The following RDH14 variants were observed in gnomAD, a reference collection of about 807,000 sequenced individuals.
RDH14 encodes alcohol dehydrogenase PAN2.
RDH14 carries 17 observed loss-of-function variants against 19.3 expected under a neutral mutation model. The ratio of observed to expected loss-of-function variants is 0.88; its 90% CI spans 0.60 to 1.32. The LOEUF (loss-of-function observed/expected upper bound fraction) is 1.32. Among genes scored for constraint, RDH14 ranks in the 40% most tolerant of loss-of-function variants. The pLI is 0.00. For missense variants in RDH14, 534 were observed against 449.2 expected (o/e 1.19, Z -1.71); for synonymous variants, 215 against 188.9 (o/e 1.14, Z -1.13).
chr2:18,560,349 C>A lies in RDH14; in HGVS notation c.224G>T (p.Arg75Leu). The A allele has an allele frequency of 7.0e-7, 1 of 1,426,642 alleles. No individual in the cohort carries two copies. Among genetic ancestry groups the A allele is most frequent in the Non-Finnish European group, 9.1e-7 (1 of 1,102,516 alleles). The allele number at this position is 1,426,642 out of a possible 1,614,324, so 88.4% of individuals were successfully genotyped here. A position where few individuals can be genotyped will look rare whatever the true frequency, so the allele number is the denominator to read the frequency against. The change falls in exon 1 of 2, where the codon CGG becomes CTG. Residue 75 changes from arginine to leucine, a missense_variant. Arg to Leu is a moderately radical substitution (Grantham distance 102). Transcript: ENST00000381249. ...RLGARVIMGC[R>L]DRARAEEAAG... ...CGCCTCCTCGGCGCGCGCGCGGTCCCGGCAGCCCATGATCACCCGCGCTCC... is the reference window on the plus strand; with the variant it reads ...CGCCTCCTCGGCGCGCGCGCGGTCCAGGCAGCCCATGATCACCCGCGCTCC...
chr2:18,560,494 G>A lies in RDH14; in HGVS notation c.79C>T (p.Pro27Ser). 1.3e-6 allele frequency: 2 copies of A among 1,514,512 alleles called. No homozygotes were observed. The highest frequency in any genetic ancestry group is 2.6e-5 in the East Asian group (1 of 37,998). The allele number at this position is 1,514,512 out of a possible 1,614,324, so 93.8% of individuals were successfully genotyped here. Residue 27 changes from proline (P) to serine (S), a missense_variant, in exon 1 of 2, where the codon CCC becomes TCC. Physicochemically the swap from Pro to Ser is moderately conservative, Grantham distance 74 (BLOSUM62 -1). Transcript: ENST00000381249. The part of the protein sequence containing the change: ...LWLAARRFVG[P>S]RVQRLRRGGD... Reference sequence around the variant, plus strand: ...CCTCTGCGCAGCCGCTGGACCCTGGGCCCCACGAACCGGCGGGCCGCCAGC... The same window carrying A: ...CCTCTGCGCAGCCGCTGGACCCTGGACCCCACGAACCGGCGGGCCGCCAGC...
In RDH14 at chr2:18,560,426, G is replaced by A. The variant is rs1296758019; in HGVS notation, c.147C>T (p.Thr49=). The part of the protein sequence containing the change: ...GLMHGKTVLI[T]GANSGLGRAT... ...CGCGGCCCAGGCCGCTGTTCGCCCC[G>A]GTGATCAGCACAGTCTTCCCGTGCA... The change falls in exon 1 of 2, where the codon ACC becomes ACT. Residue 49 remains threonine (T), a synonymous_variant. Coordinates refer to ENST00000381249, the MANE Select transcript of RDH14 (RefSeq NM_020905.4). The A allele has an allele frequency of 6.6e-7, 1 of 1,505,430 alleles. No homozygotes were observed. The highest frequency in any genetic ancestry group is 8.8e-7 in the Non-Finnish European group (1 of 1,136,042). The allele number at this position is 1,505,430 out of a possible 1,614,324, so 93.3% of individuals were successfully genotyped here. A position where few individuals can be genotyped will look rare whatever the true frequency, so the allele number is the denominator to read the frequency against.
In RDH14 at chr2:18,560,325, G is replaced by T; in HGVS notation, c.248C>A (p.Ala83Glu). 1 of 1,416,106 alleles carries T rather than the reference G, an allele frequency of 7.1e-7. No individual in the cohort carries two copies. The highest frequency in any genetic ancestry group is 9.1e-7 in the Non-Finnish European group (1 of 1,097,836). 87.7% of individuals were successfully genotyped at this position (1,416,106 alleles called of 1,614,324 possible). ...GAGCTCGCGGCGGAGCTGACCCGCC[G>T]CCTCCTCGGCGCGCGCGCGGTCCCG... ...GCRDRARAEE[A>E]AGQLRRELRQ... Residue 83 changes from alanine (A) to glutamate (E), a missense_variant, in exon 1 of 2, where the codon GCG becomes GAG. By Grantham distance (107) the Ala-to-Glu change is moderately radical. Transcript: ENST00000381249.
chr2:18,556,476 G>GA (rs1663923070), intron 1 of RDH14, among the ~76,000 whole-genome samples: 1 of 151,874 alleles, frequency 6.6e-6, no homozygotes, highest in Non-Finnish European at 1.5e-5. Context: ...ATAATTGAGA[G>GA]AAAAATAGAA....
chr2:18,555,741 T>G lies in RDH14; in HGVS notation c.461A>C (p.Glu154Ala). ...GIFQCPYMKT[E>A]DGFEMQFGVN... ...TCCGAACTGCATCTCAAACCCATCT[T>G]CAGTCTTCATGTAAGGGCACTGGAA... Residue 154 changes from glutamate (E) to alanine (A), a missense_variant, in exon 2 of 2, where the codon GAA becomes GCA. Glu to Ala is a moderately radical substitution (Grantham distance 107). Coordinates refer to ENST00000381249, the MANE Select transcript of RDH14 (RefSeq NM_020905.4). The G allele has an allele frequency of 6.2e-7, 1 of 1,614,062 alleles. No homozygotes were observed. Among genetic ancestry groups the G allele is most frequent in the East Asian group, 2.2e-5 (1 of 44,884 alleles).
At chr2:18,558,986 C>A (rs1389671764) in intron 1 of RDH14, among the ~76,000 whole-genome samples, 1 of 152,220 alleles carries the variant, frequency 6.6e-6, no homozygotes, top group East Asian at 1.9e-4. Flanking sequence ...GGGCACATGT[C>A]CTCAGGACCG....
At chr2:18,560,057 A>C (rs1558357264) in intron 1 of RDH14, 123 bp downstream of exon 1, 2 of 1,121,854 alleles carry the variant, frequency 1.8e-6, no homozygotes, top group Non-Finnish European at 2.4e-6. Context: ...TCTCAGCCTC[A>C]GCGGTTCCCA....
intron 1 of RDH14, among the ~76,000 whole-genome samples, chr2:18,559,157 C>G (rs1558356617): frequency 6.6e-6 from 1 of 152,188 alleles, no homozygotes; most frequent in Non-Finnish European, 1.5e-5. Context: ...CATATAGGCA[C>G]CTTTCTTGTC....
chr2:18,555,009 G>T lies in RDH14; in HGVS notation c.*182C>A. The T allele has an allele frequency of 2.5e-6, 2 of 800,280 alleles. No homozygotes were observed. The highest frequency in any genetic ancestry group is 4.6e-5 in the South Asian group (2 of 43,310). The allele number at this position is 800,280 out of a possible 1,614,324, so 49.6% of individuals were successfully genotyped here. A position where few individuals can be genotyped will look rare whatever the true frequency, so the allele number is the denominator to read the frequency against. On this transcript the variant is annotated 3_prime_UTR_variant, in exon 2 of 2. Transcript: ENST00000381249. ...TATATATATTTAAAACATCTTTGCT[G>T]AAATTCTCTTATCCCAAAAATAATT...
At chr2:18,558,182 C>CTT (rs1319349015) in intron 1 of RDH14, among the ~76,000 whole-genome samples, 9 of 152,160 alleles carry the variant, frequency 5.9e-5, no homozygotes, top group Non-Finnish European at 1.3e-4. Context: ...AAAAATCTAC[C>CTT]TAGAACAGGA....
rs1663870078 is a variant in RDH14, at chr2:18,555,055, C to T, written c.*136G>A. ...TAATTTTTCAGTAACTCCAAAATAC[C>T]CACATGTACCTCTTAGCAGGCTATT... On this transcript the variant is annotated 3_prime_UTR_variant, in exon 2 of 2. Coordinates refer to ENST00000381249, the MANE Select transcript of RDH14 (RefSeq NM_020905.4). The T allele has an allele frequency of 1.5e-6, 2 of 1,351,190 alleles. No homozygotes were observed. The highest frequency in any genetic ancestry group is 9.9e-7 in the Non-Finnish European group (1 of 1,013,814). The allele number at this position is 1,351,190 out of a possible 1,614,324, so 83.7% of individuals were successfully genotyped here.
chr2:18,558,989 CA>C lies in RDH14; in HGVS notation c.393+1190del, dbSNP rs1297694465. Among the ~76,000 whole-genome samples, 3 of 152,226 alleles carry C rather than the reference CA, an allele frequency of 2.0e-5. No homozygotes were observed. The East Asian group carries it at 5.8e-4, about 29-fold the overall frequency. ...CCCGACCACCTTGGGCACATGTCCT[CA>C]GGACCGCCTGAGGTTCTGCCACGGG... On this transcript the variant is annotated intron_variant, in intron 1 of 1. Coordinates refer to ENST00000381249, the MANE Select transcript of RDH14 (RefSeq NM_020905.4).
chr2:18,556,777 T>A (rs777904456), intron 1 of RDH14, among the ~76,000 whole-genome samples: 36 of 152,234 alleles, frequency 2.4e-4, no homozygotes, highest in Non-Finnish European at 4.1e-4. Context: ...CAGGTAAGCA[T>A]AGTTTATTCC....
rs1195355793 is a variant in RDH14, at chr2:18,554,880, G to A, written c.*311C>T. The A allele has an allele frequency of 2.5e-5, 6 of 236,566 alleles. No individual in the cohort carries two copies. Among genetic ancestry groups the A allele is most frequent in the Non-Finnish European group, 4.1e-5 (5 of 121,720 alleles). The allele number at this position is 236,566 out of a possible 1,614,324, so 14.7% of individuals were successfully genotyped here. ...GAAAAACCTCTCGATAGCACTTTGA[G>A]TCACTTAATTCTGACAAATATTAAT... On this transcript the variant is annotated 3_prime_UTR_variant, in exon 2 of 2. Coordinates refer to ENST00000381249, the MANE Select transcript of RDH14 (RefSeq NM_020905.4).
chr2:18,560,589 C>T lies in RDH14; in HGVS notation c.-17G>A, dbSNP rs1409335532. 2.1e-6 allele frequency: 3 copies of T among 1,414,676 alleles called. No individual in the cohort carries two copies. Among genetic ancestry groups the T allele is most frequent in the East Asian group, 6.0e-5 (2 of 33,244 alleles). 87.6% of individuals were successfully genotyped at this position (1,414,676 alleles called of 1,614,324 possible). On this transcript the variant is annotated 5_prime_UTR_variant, in exon 1 of 2. Transcript: ENST00000381249. The stretch of plus-strand genomic sequence containing the variant: ...CACTGCCATCGTCAGGCCCGAGGGC[C>T]CACCGGCCCCTCCACGGGAGTTCCG...
Position 18,555,087 on chromosome 2 carries a change from T to C in RDH14, c.*104A>G, listed in dbSNP as rs1039595929. 7.4e-5 allele frequency: 112 copies of C among 1,504,176 alleles called. No homozygotes were observed. In the East Asian group the frequency reaches 2.4e-3, roughly 32 times the overall value. The allele number at this position is 1,504,176 out of a possible 1,614,324, so 93.2% of individuals were successfully genotyped here. ...TACCTCTTAGCAGGCTATTCCAATATCAAAATTCTTTTTCTTCAAGTAACA... is the reference window on the plus strand; with the variant it reads ...TACCTCTTAGCAGGCTATTCCAATACCAAAATTCTTTTTCTTCAAGTAACA... On this transcript the variant is annotated 3_prime_UTR_variant, in exon 2 of 2. Coordinates refer to ENST00000381249, the MANE Select transcript of RDH14 (RefSeq NM_020905.4).
chr2:18,555,617 A>G lies in RDH14; in HGVS notation c.585T>C (p.Tyr195=), dbSNP rs565914581. ...CATCAAAATTGATGTCTCCGTATTT[A>G]TAAAGTTTGGAAGAAACTACCACAA... ...SRIVVVSSKL[Y]KYGDINFDDL... is the part of the protein sequence containing the mutation. The change falls in exon 2 of 2, where the codon TAT becomes TAC. Residue 195 remains tyrosine (Y), a synonymous_variant. Transcript: ENST00000381249. 105 of 1,614,104 alleles carry G rather than the reference A, an allele frequency of 6.5e-5. 4 individuals are homozygous for G. The South Asian group carries it at 1.1e-3, about 17-fold the overall frequency.
rs987745766 is a variant in RDH14 at position 18,555,492 on chromosome 2, C to T, written c.710G>A (p.Gly237Asp). 5 of 1,614,002 alleles carry T rather than the reference C, an allele frequency of 3.1e-6. No individual in the cohort carries two copies. In the African/African-American group the frequency reaches 6.7e-5, roughly 22 times the overall value. The part of the protein sequence containing the change: ...FTRELARRLE[G>D]TNVTVNVLHP... ...CAACACATTGACGGTGACATTTGTG[C>T]CTTCTAAGCGGCGGGCTAGTTCCCT... The change falls in exon 2 of 2, where the codon GGC (glycine) becomes GAC (aspartate). Residue 237 changes from glycine to aspartate, a missense_variant. By Grantham distance (94) the Gly-to-Asp change is moderately conservative. Transcript: ENST00000381249.
At chr2:18,557,355 G>A (rs984966681) in intron 1 of RDH14, among the ~76,000 whole-genome samples, 3 of 152,162 alleles carry the variant, frequency 2.0e-5, no homozygotes. Context: ...TGTTATCGAA[G>A]CCCACCTGTC....
Sources: gnomAD v4.1 joint callset for allele counts (sites outside exome capture counted in the v4.1 genomes callset) on GRCh38, gnomAD v4.1.1 for gene constraint, MANE v1.5 for transcripts, NCBI Gene and HGNC (gene_info 2026-07-23, HGNC 2026-07-21) for gene names.